NRXN3: variants seen among roughly 807,000 people sequenced by gnomAD.
NRXN3 encodes the protein neurexin III.
In NRXN3, 32 loss-of-function variants were observed where a neutral mutation model predicts 137.6. The observed-to-expected ratio is 0.23, with a 90% CI of 0.18 to 0.31. NRXN3 has a LOEUF of 0.31. Among genes scored for constraint, NRXN3 ranks in the 10% least tolerant of loss-of-function variants. NRXN3 has a pLI of 1.00. For missense variants in NRXN3, 1,574 were observed against 2,062.5 expected (o/e 0.76, Z 4.59); for synonymous variants, 798 against 784.5 (o/e 1.02, Z -0.29).
At chr14:78,748,818 A>G (rs561073480) in intron 8 of NRXN3, among the ~76,000 whole-genome samples, 1 of 152,188 alleles carries the variant, frequency 6.6e-6, no homozygotes, top group Non-Finnish European at 1.5e-5. Context: ...TACAAATGCC[A>G]TGGCCAGAGC....
At chr14:79,383,222 A>G (rs190924417) in intron 15 of NRXN3, among the ~76,000 whole-genome samples, 315 of 152,148 alleles carry the variant, frequency 2.1e-3, no homozygotes, top group Middle Eastern at 6.8e-3. Context: ...GGAAATATAA[A>G]TAGATTGGCA....
chr14:79,417,473 A>G (rs960608902), intron 15 of NRXN3, among the ~76,000 whole-genome samples: 1 of 152,024 alleles, frequency 6.6e-6, no homozygotes, highest in African/African-American at 2.4e-5. Flanking sequence ...TATTTCTCCT[A>G]TTGCTGCTTT....
chr14:78,722,921 C>T (rs182713014), intron 8 of NRXN3, among the ~76,000 whole-genome samples: 19 of 152,080 alleles, frequency 1.2e-4, no homozygotes, highest in Middle Eastern at 3.4e-3. Context: ...AAGATCTCCC[C>T]GGCAGACCAG....
chr14:79,709,858 A>T (rs889746090), intron 19 of NRXN3, among the ~76,000 whole-genome samples: 1 of 152,072 alleles, frequency 6.6e-6, no homozygotes. Flanking sequence ...GCCATTTCTC[A>T]TTATTATTAT....
intron 16 of NRXN3, among the ~76,000 whole-genome samples, chr14:79,607,177 AC>A (rs1007136457): frequency 2.0e-5 from 3 of 152,250 alleles, no homozygotes; most frequent in Non-Finnish European, 4.4e-5. Context: ...GGTAATGGAC[AC>A]AATAGAATTT....
At chr14:78,898,320 T>C (rs921697350) in intron 10 of NRXN3, among the ~76,000 whole-genome samples, 28 of 151,976 alleles carry the variant, frequency 1.8e-4, no homozygotes, top group Admixed American at 1.7e-3. Context: ...TTTTAAAATC[T>C]ATTTTAAACA....
chr14:78,297,957 C>A, intron 4 of NRXN3, 97 bp downstream of exon 4: 1 of 1,384,998 alleles, frequency 7.2e-7, no homozygotes. Flanking sequence ...GCAGGCCATT[C>A]GCTGCCTGTC....
intron 19 of NRXN3, among the ~76,000 whole-genome samples, chr14:79,757,066 A>G (rs1237699399): frequency 1.3e-5 from 2 of 152,148 alleles, no homozygotes; most frequent in Non-Finnish European, 2.9e-5. Context: ...CTTCAGAACC[A>G]GGTGAGCTTG....
At chr14:78,736,281 G>A (rs377421627) in intron 8 of NRXN3, among the ~76,000 whole-genome samples, 3 of 152,300 alleles carry the variant, frequency 2.0e-5, no homozygotes, top group African/African-American at 7.2e-5. Context: ...AAGGCAAGAT[G>A]GTGTGATGGA....
At chr14:79,501,022 A>G (rs2096821253) in intron 16 of NRXN3, among the ~76,000 whole-genome samples, 1 of 152,156 alleles carries the variant, frequency 6.6e-6, no homozygotes, top group Admixed American at 6.6e-5. Flanking sequence ...TGATCATTAG[A>G]CCAACTGTGG....
chr14:78,668,778 A>G (rs567778358), intron 6 of NRXN3, among the ~76,000 whole-genome samples: 3 of 152,230 alleles, frequency 2.0e-5, no homozygotes, highest in Non-Finnish European at 2.9e-5. Flanking sequence ...GTATAAACAA[A>G]TAAGTGTGTC....
chr14:79,302,117 A>G (rs927659625), intron 15 of NRXN3, among the ~76,000 whole-genome samples: 2 of 151,996 alleles, frequency 1.3e-5, no homozygotes, highest in Admixed American at 1.3e-4. Flanking sequence ...AACACCTCAC[A>G]TCCTGTGGGT....
At chr14:79,166,163 A>T (rs2061264663) in intron 15 of NRXN3, among the ~76,000 whole-genome samples, 1 of 152,036 alleles carries the variant, frequency 6.6e-6, no homozygotes, top group African/African-American at 2.4e-5. Flanking sequence ...ATAGCTGGAA[A>T]TAATTCAAGG....
At chr14:79,456,971 C>T (rs1675937519) in intron 15 of NRXN3, among the ~76,000 whole-genome samples, 1 of 150,822 alleles carries the variant, frequency 6.6e-6, no homozygotes, top group South Asian at 2.1e-4. Flanking sequence ...AATGTGGCCA[C>T]GGCAGCTGTG....
In NRXN3 at chr14:78,628,666, CA is replaced by C. The variant is rs1242547185; in HGVS notation, c.758-16453del. 3.3e-5 allele frequency among the ~76,000 whole-genome samples: 5 copies of C among 152,254 alleles called. No homozygotes were observed. In the East Asian group the frequency reaches 9.7e-4, roughly 29 times the overall value. ...AGGAATTGGGGTAGATAATGTTGGC[CA>C]TAAAGGATATGTAATCTGGTTATAT... On this transcript the variant is annotated intron_variant, in intron 4 of 20. Transcript: ENST00000335750.
chr14:78,287,603 C>A (rs2075315341), intron 3 of NRXN3, among the ~76,000 whole-genome samples: 1 of 152,208 alleles, frequency 6.6e-6, no homozygotes, highest in South Asian at 2.1e-4. Context: ...CAACTCATTG[C>A]TCCTTTAGCT....
At chr14:78,187,914 T>G (rs1373849364) in intron 1 of NRXN3, among the ~76,000 whole-genome samples, 1 of 152,032 alleles carries the variant, frequency 6.6e-6, no homozygotes, top group Non-Finnish European at 1.5e-5. Flanking sequence ...GGAGTCCCTA[T>G]GTAGAGTTGG....
intron 16 of NRXN3, among the ~76,000 whole-genome samples, chr14:79,494,961 G>T (rs954679413): frequency 6.6e-6 from 1 of 152,136 alleles, no homozygotes; most frequent in African/African-American, 2.4e-5. Flanking sequence ...TTAATTGAAA[G>T]AATTATCTAA....
intron 10 of NRXN3, among the ~76,000 whole-genome samples, chr14:78,862,742 A>T (rs761242309): frequency 1.9e-4 from 29 of 152,220 alleles, no homozygotes; most frequent in African/African-American, 7.0e-4. Flanking sequence ...TGTACAAAAA[A>T]GTAGATAACA....
Sources: gnomAD v4.1 joint callset for allele counts (sites outside exome capture counted in the v4.1 genomes callset) on GRCh38, gnomAD v4.1.1 for gene constraint, MANE v1.5 for transcripts, NCBI Gene and HGNC (gene_info 2026-07-23, HGNC 2026-07-21) for gene names.